The following CDH17 variants were observed in gnomAD, a reference collection of about 807,000 sequenced individuals.
The protein encoded by CDH17 is cadherin-17.
CDH17 carries 67 observed loss-of-function variants against 86.3 expected under a neutral mutation model. The observed-to-expected ratio is 0.78, with a 90% confidence interval of 0.64 to 0.95. CDH17 has a LOEUF of 0.95. Among genes scored for constraint, CDH17 ranks in the 40% least tolerant of loss-of-function variants. The pLI is 0.00. For missense variants in CDH17, 993 were observed against 1,017.6 expected, an observed-to-expected ratio of 0.98 and a Z score of 0.33; for synonymous variants, 367 against 366.4, an observed-to-expected ratio of 1.00 and a Z score of -0.02.
intron 16 of CDH17, 53 bp from the exon 17 acceptor site, chr8:94,130,792 G>A (rs963705644): frequency 6.6e-7 from 1 of 1,525,218 alleles, no homozygotes; most frequent in Non-Finnish European, 9.1e-7. Flanking sequence ...AATAGTTGCA[G>A]AATCCCATAT....
rs75625800 is a variant in CDH17, at chr8:94,155,061, G to A, written c.1552-2949C>T. Among the ~76,000 whole-genome samples, 896 of 152,118 alleles carry A rather than the reference G, an allele frequency of 5.9e-3. 23 individuals carry two copies. The highest frequency in any genetic ancestry group is 0.042 in the Admixed American group (648 of 15,276). On this transcript the variant is annotated intron_variant, in intron 12 of 17. Transcript: ENST00000027335. The stretch of plus-strand genomic sequence containing the variant: ...GTGGGAACTGTGTGTGAAGACTCGG[G>A]GTTGAGAAAGAAGAATCAATTGAAA...
At chr8:94,128,609 A>G (rs1481247076) in intron 17 of CDH17, among the ~76,000 whole-genome samples, 1 of 152,212 alleles carries the variant, frequency 6.6e-6, no homozygotes, top group African/African-American at 2.4e-5. Context: ...CTGTAAGAAT[A>G]TAGGACCTAA....
intron 13 of CDH17, 51 bp downstream of exon 13, chr8:94,151,817 T>C (rs757034214): frequency 2.3e-5 from 37 of 1,609,494 alleles, no homozygotes; most frequent in Non-Finnish European, 2.5e-5. Context: ...CTCCTCCCCA[T>C]TGGCTTTGGT....
chr8:94,172,992 C>T (rs929471971), intron 7 of CDH17, among the ~76,000 whole-genome samples: 7 of 152,238 alleles, frequency 4.6e-5, no homozygotes, highest in African/African-American at 1.7e-4. Context: ...AAGATTTTTT[C>T]CACAATAAGA....
At chr8:94,157,145 C>G (rs1263183163) in intron 12 of CDH17, among the ~76,000 whole-genome samples, 1 of 152,162 alleles carries the variant, frequency 6.6e-6, no homozygotes, top group Non-Finnish European at 1.5e-5. Flanking sequence ...GTATGAGTCC[C>G]TCAGTGAATT....
chr8:94,139,589 T>G (rs892170450), intron 15 of CDH17, among the ~76,000 whole-genome samples: 5 of 152,084 alleles, frequency 3.3e-5, no homozygotes, highest in Non-Finnish European at 5.9e-5. Context: ...AATACAAACA[T>G]TCAATGGAAC....
At position 94,208,517 on chromosome 8, in the gene CDH17, C is replaced by T. The variant is rs1814071690; in HGVS notation, c.-55G>A. 6.6e-6 allele frequency: 1 copy of T among 152,160 alleles called. No individual in the cohort carries two copies. The highest frequency in any genetic ancestry group is 1.5e-5 in the Non-Finnish European group (1 of 68,024). The allele number at this position is 152,160 out of a possible 1,614,324, so 9.4% of individuals were successfully genotyped here. A position where few individuals can be genotyped will look rare whatever the true frequency, so the allele number is the denominator to read the frequency against. On this transcript the variant is annotated 5_prime_UTR_variant, in exon 1 of 18. Transcript: ENST00000027335. The stretch of plus-strand genomic sequence containing the variant: ...AGTCACAAAATGGTGGTTAAAAGTC[C>T]TTTTCTTCCATTCAGTGGTCGAGAC...
In CDH17 at chr8:94,127,736, A is replaced by G. The variant is rs2130558208; in HGVS notation, c.*504T>C. 6.5e-6 allele frequency: 1 copy of G among 153,354 alleles called. No homozygotes were observed. Among genetic ancestry groups the G allele is most frequent in the African/African-American group, 2.4e-5 (1 of 41,588 alleles). The allele number at this position is 153,354 out of a possible 1,614,324, so 9.5% of individuals were successfully genotyped here. Reference sequence around the variant, plus strand: ...GTCTTGCCCCAAAAGGGAAAAACACAAGTAGCTAAGCCATTTGCAGAGAGG... The same window carrying G: ...GTCTTGCCCCAAAAGGGAAAAACACGAGTAGCTAAGCCATTTGCAGAGAGG... On this transcript the variant is annotated 3_prime_UTR_variant, in exon 18 of 18. Transcript: ENST00000027335.
chr8:94,145,903 T>G (rs1812731259), intron 15 of CDH17, 25 bp downstream of exon 15: 1 of 1,602,438 alleles, frequency 6.2e-7, no homozygotes, highest in Non-Finnish European at 8.5e-7. Context: ...TCTATGTTTT[T>G]TTCCATGTAT....
At chr8:94,181,718 G>C (rs1485320627) in intron 3 of CDH17, among the ~76,000 whole-genome samples, 1 of 140,316 alleles carries the variant, frequency 7.1e-6, no homozygotes, top group Non-Finnish European at 1.6e-5. Context: ...CTTCTACTTA[G>C]AAAAAAAAAA....
Position 94,151,809 on chromosome 8 carries a change from C to G in CDH17, c.1796+59G>C, listed in dbSNP as rs370587793. ...GAGTCAGTGCAGGCCAGCTCCTCCT[C>G]CTCCCCATTGGCTTTGGTGACCACG... On this transcript the variant is annotated intron_variant, in intron 13 of 17. Transcript: ENST00000027335. 1.0e-3 allele frequency: 1,671 copies of G among 1,606,320 alleles called. 36 individuals are homozygous for G. The South Asian group carries it at 0.017, about 17-fold the overall frequency.
intron 7 of CDH17, among the ~76,000 whole-genome samples, chr8:94,173,239 C>G (rs553196562): frequency 6.6e-6 from 1 of 152,224 alleles, no homozygotes; most frequent in South Asian, 2.1e-4. Context: ...AAACGTAATC[C>G]TCAGTATTGG....
At position 94,130,987 on chromosome 8, in the gene CDH17, G is replaced by A. The variant is rs1387525759; in HGVS notation, c.2173C>T (p.His725Tyr). 2.0e-6 allele frequency: 3 copies of A among 1,518,180 alleles called. No individual in the cohort carries two copies. Among genetic ancestry groups the A allele is most frequent in the South Asian group, 1.1e-5 (1 of 89,100 alleles). 94.0% of individuals were successfully genotyped at this position (1,518,180 alleles called of 1,614,324 possible). The change falls in exon 16 of 18, where the codon CAT (histidine) becomes TAT (tyrosine). Residue 725 changes from histidine (H) to tyrosine (Y), a missense_variant. Transcript: ENST00000027335. ...GTGTGCCTGGTAGACAGTCGGGCAT[G>A]AGTACCTGCCAGGACAGGAAAAAAA... ...DWEVSKINGT[H>Y]ARLSTRHTEF...
At chr8:94,215,394 A>C (rs1814178181) in intron 1 of CDH17, among the ~76,000 whole-genome samples, 1 of 152,254 alleles carries the variant, frequency 6.6e-6, no homozygotes, top group Non-Finnish European at 1.5e-5. Context: ...AGACAAAAAA[A>C]GCCTAATATT....
intron 3 of CDH17, among the ~76,000 whole-genome samples, chr8:94,178,297 G>A (rs547053416): frequency 2.6e-5 from 4 of 152,050 alleles, no homozygotes; most frequent in Non-Finnish European, 5.9e-5. Context: ...CATAAAAGCT[G>A]TTCAACCTTA....
At chr8:94,130,574 C>T in intron 17 of CDH17, 52 bp downstream of exon 17, 1 of 1,265,300 alleles carries the variant, frequency 7.9e-7, no homozygotes, top group Non-Finnish European at 1.1e-6. Flanking sequence ...GAGATGAGCT[C>T]ACATTTCTGA....
At chr8:94,176,837 G>A (rs1431994977) in intron 4 of CDH17, among the ~76,000 whole-genome samples, 158 bp from the exon 5 acceptor site, 1 of 152,204 alleles carries the variant, frequency 6.6e-6, no homozygotes, top group Non-Finnish European at 1.5e-5. Context: ...TGCTAAAACA[G>A]GGATTGTATC....
chr8:94,163,757 A>G (rs1317951362), intron 10 of CDH17, among the ~76,000 whole-genome samples: 2 of 152,222 alleles, frequency 1.3e-5, no homozygotes, highest in African/African-American at 4.8e-5. Flanking sequence ...GAATCTATTA[A>G]CAATCCAATT....
chr8:94,168,427 G>T (rs1813208431), intron 9 of CDH17, among the ~76,000 whole-genome samples: 1 of 151,138 alleles, frequency 6.6e-6, no homozygotes, highest in Non-Finnish European at 1.5e-5. Flanking sequence ...ACAGGCATGA[G>T]CCACTGCACC....
Sources: gnomAD v4.1 joint callset for allele counts (sites outside exome capture counted in the v4.1 genomes callset) on GRCh38, gnomAD v4.1.1 for gene constraint, MANE v1.5 for transcripts, NCBI Gene and HGNC (gene_info 2026-07-23, HGNC 2026-07-21) for gene names.